Variants in EBF3 observed in about 807,000 individuals in gnomAD.
EBF3 encodes EBF transcription factor 3, also known as transcription factor COE3.
EBF3 carries 18 observed loss-of-function variants against 77.1 expected under a neutral mutation model. The observed-to-expected ratio is 0.23, with a 90% CI of 0.16 to 0.35. The LOEUF is 0.35. Among genes scored for constraint, EBF3 ranks in the 10% least tolerant of loss-of-function variants. EBF3 has a pLI of 1.00. For synonymous variants in EBF3, 350 were observed against 343.5 expected (o/e 1.02, Z -0.21); for missense variants, 558 against 860.0 (o/e 0.65, Z 4.39).
In EBF3 at chr10:129,885,403, G is replaced by A. The variant is rs1853501397; in HGVS notation, c.555-7554C>T. Among the ~76,000 whole-genome samples the A allele has an allele frequency of 1.3e-5, 2 of 152,138 alleles. No homozygotes were observed. The highest frequency in any genetic ancestry group is 6.5e-5 in the Admixed American group (1 of 15,274). On this transcript the variant is annotated intron_variant, in intron 6 of 16. Transcript: ENST00000440978. The surrounding 1 kb of genome is among the most constrained non-coding windows in gnomAD (Gnocchi z 4.0). ...CATCCCAGAGCTACAAGCTTCGTCA[G>A]CCACCCCACTCCGCCCGCTGTCAGT...
At chr10:129,950,006 T>TGGAGGGAGGAGGGA (rs1038964722) in intron 6 of EBF3, among the ~76,000 whole-genome samples, 2 of 23,640 alleles carry the variant, frequency 8.5e-5, no homozygotes, top group African/African-American at 1.6e-4. Context: ...GGGTGGAGGG[T>TGGAGGGAGGAGGGA]GGAGGGAGGA....
At chr10:129,875,103 C>T (rs534321384) in intron 7 of EBF3, among the ~76,000 whole-genome samples, 21 of 149,836 alleles carry the variant, frequency 1.4e-4, no homozygotes, top group Non-Finnish European at 2.2e-4. Context: ...ATTAAACATA[C>T]AAATAAGTAG....
chr10:129,895,051 G>GCGGAAC lies in EBF3; in HGVS notation c.555-17208_555-17203dup, dbSNP rs1181871081. On this transcript the variant is annotated intron_variant, in intron 6 of 16. Coordinates refer to ENST00000440978, the MANE Select transcript of EBF3 (RefSeq NM_001375380.1). ...AAAGCCAGGCAAAATGAGTGGGCAT[G>GCGGAAC]CGGAACGGGGACAGTAAGGCCAGGT... 2.6e-5 allele frequency among the ~76,000 whole-genome samples: 4 copies of GCGGAAC among 152,352 alleles called. 1 individual carries two copies. Among genetic ancestry groups the GCGGAAC allele is most frequent in the Admixed American group, 1.3e-4 (2 of 15,310 alleles).
At chr10:129,886,005 G>A (rs1232505144) in intron 6 of EBF3, among the ~76,000 whole-genome samples, 7 of 151,356 alleles carry the variant, frequency 4.6e-5, no homozygotes, top group Admixed American at 6.6e-5. Flanking sequence ...AAATAAATGT[G>A]GGTGAGGGGG....
Position 129,911,219 on chromosome 10 carries a change from C to G in EBF3, c.555-33370G>C, listed in dbSNP as rs575527513. Among the ~76,000 whole-genome samples, 12 of 152,346 alleles carry G rather than the reference C, an allele frequency of 7.9e-5. No individual in the cohort carries two copies. In the South Asian group the frequency reaches 2.5e-3, roughly 32 times the overall value. ...GGGTGGGCCAGGGCCAGACCAGGAG[C>G]CATGGTCCCGGAGCACAGGGTAAGG... On this transcript the variant is annotated intron_variant, in intron 6 of 16. Transcript: ENST00000440978.
At chr10:129,961,488 A>G (rs1271847980) in intron 4 of EBF3, among the ~76,000 whole-genome samples, 1 of 152,214 alleles carries the variant, frequency 6.6e-6, no homozygotes, top group African/African-American at 2.4e-5. Context: ...TATCATCGGA[A>G]AAGTTGACCA....
intron 6 of EBF3, among the ~76,000 whole-genome samples, chr10:129,900,367 G>A (rs1589818906): frequency 1.3e-5 from 2 of 151,948 alleles, no homozygotes; most frequent in South Asian, 2.1e-4. Flanking sequence ...CAGAAAGACC[G>A]TTTTATAACC....
rs554143190 is a variant in EBF3 at position 129,862,233 on chromosome 10, A to G, written c.1039+4908T>C. On this transcript the variant is annotated intron_variant, in intron 10 of 16. Transcript: ENST00000440978. ...ACTGTTAGCAATTACTGGTTGAGTA[A>G]CGATTTCATAAGCCTGAAGCTGAAT... 3.0e-4 allele frequency among the ~76,000 whole-genome samples: 46 copies of G among 152,334 alleles called. No individual in the cohort carries two copies. In the South Asian group the frequency reaches 9.1e-3, roughly 30 times the overall value.
Position 129,947,982 on chromosome 10 carries a change from C to T in EBF3, c.554+9276G>A, listed in dbSNP as rs1038998810. 3.9e-5 allele frequency among the ~76,000 whole-genome samples: 6 copies of T among 152,104 alleles called. No homozygotes were observed. Among genetic ancestry groups the T allele is most frequent in the African/African-American group, 1.4e-4 (6 of 41,408 alleles). ...GTGAAAGAAGCCAGTCTGGGTGAGG[C>T]ACGGTGGCTCACATCTGTAATCCTA... is the stretch of plus-strand genomic sequence containing the variant. On this transcript the variant is annotated intron_variant, in intron 6 of 16. Transcript: ENST00000440978. The surrounding 1 kb of genome is among the most constrained non-coding windows in gnomAD (Gnocchi z 4.5).
rs186950585 is a variant in EBF3, at chr10:129,900,171, T to C, written c.555-22322A>G. ...GGCTAAATAAATGCCAATATTCACC[T>C]TGAAAGAGTCATCATAAAGTAACTC... On this transcript the variant is annotated intron_variant, in intron 6 of 16. Transcript: ENST00000440978. 1.8e-3 allele frequency among the ~76,000 whole-genome samples: 278 copies of C among 152,320 alleles called. 1 individual carries two copies. Among genetic ancestry groups the C allele is most frequent in the Non-Finnish European group, 3.0e-3 (203 of 68,028 alleles).
rs1028392215 is a variant in EBF3, at chr10:129,963,219, G to T, written c.291+148C>A. 5 of 1,235,220 alleles carry T rather than the reference G, an allele frequency of 4.0e-6. No homozygotes were observed. The highest frequency in any genetic ancestry group is 5.3e-6 in the Non-Finnish European group (5 of 936,666). The allele number at this position is 1,235,220 out of a possible 1,614,324, so 76.5% of individuals were successfully genotyped here. ...GCAGAGAAGTTGCCCAGCCCTCGGC[G>T]GTCCCGGGCGGCCGCACGTGGCGGC... On this transcript the variant is annotated intron_variant, in intron 2 of 16. Transcript: ENST00000440978. The surrounding 1 kb of genome is among the most constrained non-coding windows in gnomAD (Gnocchi z 7.1).
chr10:129,913,338 C>T (rs1855653942), intron 6 of EBF3, among the ~76,000 whole-genome samples: 1 of 152,276 alleles, frequency 6.6e-6, no homozygotes, highest in Non-Finnish European at 1.5e-5. Context: ...ATGCACTGGG[C>T]AGGGCCCAAG....
At chr10:129,916,382 T>G (rs768581182) in intron 6 of EBF3, among the ~76,000 whole-genome samples, 16 of 152,168 alleles carry the variant, frequency 1.1e-4, no homozygotes, top group Non-Finnish European at 2.4e-4. Context: ...CAGCAAGAAT[T>G]AAATGAGACA....
chr10:129,850,766 C>T (rs945210805), intron 10 of EBF3, among the ~76,000 whole-genome samples: 1 of 152,232 alleles, frequency 6.6e-6, no homozygotes, highest in African/African-American at 2.4e-5. Context: ...CTCTGTGCCC[C>T]CAAGAGCACC....
intron 8 of EBF3, among the ~76,000 whole-genome samples, chr10:129,869,232 A>T (rs1478032886): frequency 1.3e-5 from 2 of 152,204 alleles, no homozygotes; most frequent in Non-Finnish European, 2.9e-5. Context: ...GTTGGGGGTT[A>T]AAGATGAACC....
intron 6 of EBF3, among the ~76,000 whole-genome samples, chr10:129,929,281 T>C (rs1333366526): frequency 2.6e-5 from 4 of 152,194 alleles, no homozygotes; most frequent in Non-Finnish European, 5.9e-5. Flanking sequence ...CTCAGTTCAC[T>C]GCAACCTGCA....
chr10:129,839,442 T>G (rs1470296968), intron 15 of EBF3, among the ~76,000 whole-genome samples: 2 of 152,232 alleles, frequency 1.3e-5, no homozygotes, highest in Admixed American at 6.5e-5. Context: ...ACGTGCAGCC[T>G]GCACAGCTCA....
At chr10:129,880,480 C>T (rs560355877) in intron 6 of EBF3, among the ~76,000 whole-genome samples, 30 of 150,632 alleles carry the variant, frequency 2.0e-4, no homozygotes, top group African/African-American at 6.0e-4. Flanking sequence ...CACATACGCA[C>T]ATACATATGC....
At position 129,840,267 on chromosome 10, in the gene EBF3, G is replaced by C; in HGVS notation, c.1737C>G (p.Ser579Arg). 1 of 1,584,790 alleles carries C rather than the reference G, an allele frequency of 6.3e-7. No homozygotes were observed. Among genetic ancestry groups the C allele is most frequent in the Non-Finnish European group, 8.6e-7 (1 of 1,164,912 alleles). The change falls in exon 15 of 17, where the codon AGC becomes AGG. Residue 579 changes from serine (S) to arginine (R), a missense_variant. Ser to Arg is a moderately radical substitution (Grantham distance 110). This residue lies in a region of EBF3 where 284 missense variants were observed against 368.3 expected (regional missense o/e 0.77). Coordinates refer to ENST00000440978, the MANE Select transcript of EBF3 (RefSeq NM_001375380.1). ...CACCTTGCAGTCCATTCCCGTTGGC[G>C]CTGGTGCAGGAAGGAGGAGGAGAGG... is the stretch of plus-strand genomic sequence containing the variant. Reference protein sequence around the residue: ...PQASPPPSCTSANGNGLQGSL... With the variant: ...PQASPPPSCTRANGNGLQGSL...
Sources: gnomAD v4.1 joint callset for allele counts (sites outside exome capture counted in the v4.1 genomes callset) on GRCh38, gnomAD v4.1.1 for gene constraint, gnomAD v4.1.1 regional missense constraint, Gnocchi (gnomAD v3.1) non-coding constraint, MANE v1.5 for transcripts, NCBI Gene and HGNC (gene_info 2026-07-23, HGNC 2026-07-21) for gene names.